TANC2: variants seen among roughly 807,000 people sequenced by gnomAD.
The protein encoded by TANC2 is tetratricopeptide repeat, ankyrin repeat and coiled-coil containing 2.
Under a neutral mutation model 210.5 loss-of-function variants are expected in TANC2, and 26 were observed. The observed-to-expected ratio is 0.12, with a 90% confidence interval of 0.09 to 0.17. The LOEUF is 0.17. Among genes scored for constraint, TANC2 ranks in the 10% least tolerant of loss-of-function variants. The pLI, the probability that TANC2 is intolerant of heterozygous loss-of-function variation, is 1.00. For missense variants in TANC2, 2,129 were observed against 2,608.9 expected, an observed-to-expected ratio of 0.82 and a Z score of 4.01; for synonymous variants, 931 against 967.1, an observed-to-expected ratio of 0.96 and a Z score of 0.69.
At chr17:63,166,146 C>T (rs1334305172) in intron 5 of TANC2, among the ~76,000 whole-genome samples, 1 of 152,098 alleles carries the variant, frequency 6.6e-6, no homozygotes, top group Non-Finnish European at 1.5e-5. Flanking sequence ...TACAGTGATT[C>T]CAGTTTCCAA....
chr17:63,420,643 A>G lies in TANC2; in HGVS notation c.4913A>G (p.Tyr1638Cys), dbSNP rs756488036. ...CCTCCAGCTGAAAGTATGAGTGTCTATAGATCCCAGTCTGGTTCACCCGTG... is the reference window on the plus strand; with the variant it reads ...CCTCCAGCTGAAAGTATGAGTGTCTGTAGATCCCAGTCTGGTTCACCCGTG... The change falls in exon 28 of 28, where the codon TAT becomes TGT. Residue 1638 changes from tyrosine to cysteine, a missense_variant. This residue lies in a region of TANC2 where 584 missense variants were observed against 627.3 expected (regional missense o/e 0.93). Coordinates refer to ENST00000689528, the Ensembl canonical transcript of TANC2. The surrounding 1 kb of genome is among the most constrained non-coding windows in gnomAD (Gnocchi z 4.2). 80 of 1,613,754 alleles carry G rather than the reference A, an allele frequency of 5.0e-5. No individual in the cohort carries two copies. The highest frequency in any genetic ancestry group is 2.3e-4 in the African/African-American group (17 of 74,920).
chr17:63,414,782 G>A (rs953198148), intron 25 of TANC2, among the ~76,000 whole-genome samples: 1 of 152,160 alleles, frequency 6.6e-6, no homozygotes, highest in Non-Finnish European at 1.5e-5. Flanking sequence ...GGGAGATGCC[G>A]CCTGCATCTT....
intron 9 of TANC2, among the ~76,000 whole-genome samples, chr17:63,300,843 C>T (rs2044689367): frequency 6.6e-6 from 1 of 152,148 alleles, no homozygotes. Flanking sequence ...AGAGGGCATC[C>T]TTGTCTTGTG....
intron 9 of TANC2, among the ~76,000 whole-genome samples, chr17:63,309,447 A>G (rs142792915): frequency 6.6e-4 from 101 of 152,258 alleles, no homozygotes; most frequent in Non-Finnish European, 1.2e-3. Flanking sequence ...GGTTATGTCA[A>G]AGATAAACAT....
intron 3 of TANC2, among the ~76,000 whole-genome samples, chr17:63,091,722 A>T (rs894429380): frequency 6.6e-6 from 1 of 152,162 alleles, no homozygotes; most frequent in Non-Finnish European, 1.5e-5. Flanking sequence ...TATGAACTTT[A>T]AAGTAGTTTT....
chr17:63,006,779 T>C (rs1169535245), intron 1 of TANC2, among the ~76,000 whole-genome samples: 1 of 152,188 alleles, frequency 6.6e-6, no homozygotes, highest in Non-Finnish European at 1.5e-5. Context: ...AAACATATCA[T>C]AGTTTTTTTT....
At chr17:63,230,980 A>G (rs2042460495) in intron 7 of TANC2, among the ~76,000 whole-genome samples, 1 of 152,184 alleles carries the variant, frequency 6.6e-6, no homozygotes, top group Admixed American at 6.5e-5. Context: ...TAGTATAGTT[A>G]GCTCTTACTG....
At chr17:63,061,004 C>T (rs1421991741) in intron 2 of TANC2, among the ~76,000 whole-genome samples, 1 of 151,918 alleles carries the variant, frequency 6.6e-6, no homozygotes, top group Non-Finnish European at 1.5e-5. Flanking sequence ...TTTTTGAGCC[C>T]AGGAGTTTGA....
chr17:63,248,923 AAT>A (rs1338914065), intron 8 of TANC2, among the ~76,000 whole-genome samples: 1 of 152,168 alleles, frequency 6.6e-6, no homozygotes, highest in Non-Finnish European at 1.5e-5. Context: ...AAATGGAAGA[AAT>A]ATATATAGTG....
intron 2 of TANC2, among the ~76,000 whole-genome samples, chr17:63,011,957 A>G (rs1303529671): frequency 6.9e-6 from 1 of 144,804 alleles, no homozygotes; most frequent in Non-Finnish European, 1.5e-5. Context: ...TATCCATTCT[A>G]TGCTTCTTTC....
At chr17:63,203,007 C>A (rs2041586361) in intron 7 of TANC2, among the ~76,000 whole-genome samples, 1 of 152,132 alleles carries the variant, frequency 6.6e-6, no homozygotes, top group Non-Finnish European at 1.5e-5. Flanking sequence ...ACTTAGGTTG[C>A]TTCCAACTCC....
intron 1 of TANC2, among the ~76,000 whole-genome samples, chr17:63,006,826 G>A (rs1226628229): frequency 2.0e-5 from 3 of 152,028 alleles, no homozygotes; most frequent in Non-Finnish European, 4.4e-5. Flanking sequence ...TGACAAAGGT[G>A]TGTTGGTCTC....
At chr17:63,311,921 C>G (rs953357198) in intron 9 of TANC2, among the ~76,000 whole-genome samples, 3 of 152,084 alleles carry the variant, frequency 2.0e-5, no homozygotes, top group African/African-American at 7.2e-5. Context: ...TTACTGATTG[C>G]CAGGGACTGG....
At chr17:63,019,249 G>C (rs923629378) in intron 2 of TANC2, among the ~76,000 whole-genome samples, 2 of 151,806 alleles carry the variant, frequency 1.3e-5, no homozygotes, top group Admixed American at 1.3e-4. Context: ...ACAGAGTCTC[G>C]CTCTGTCACT....
chr17:63,138,204 G>A (rs1038374033), intron 4 of TANC2, among the ~76,000 whole-genome samples: 6 of 152,156 alleles, frequency 3.9e-5, no homozygotes, highest in East Asian at 1.9e-4. Flanking sequence ...GAACTCTGGG[G>A]CTGTAAGATA....
intron 2 of TANC2, among the ~76,000 whole-genome samples, chr17:63,045,871 G>T (rs1204073903): frequency 2.0e-5 from 3 of 151,968 alleles, no homozygotes; most frequent in Admixed American, 2.0e-4. Flanking sequence ...GAACTCCTGG[G>T]CTCAAGTGAT....
intron 1 of TANC2, among the ~76,000 whole-genome samples, chr17:62,985,061 A>G (rs904623687): frequency 6.6e-6 from 1 of 152,198 alleles, no homozygotes; most frequent in Non-Finnish European, 1.5e-5. Context: ...GGGTGTTGAA[A>G]TCAGTCTAAT....
chr17:63,170,448 A>G (rs576646720), intron 5 of TANC2, among the ~76,000 whole-genome samples: 123 of 151,990 alleles, frequency 8.1e-4, no homozygotes, highest in East Asian at 2.1e-3. Flanking sequence ...AAAAAAAAAA[A>G]AAAGAAAGAA....
chr17:63,100,122 A>G (rs531694663), intron 4 of TANC2, among the ~76,000 whole-genome samples: 79 of 152,268 alleles, frequency 5.2e-4, no homozygotes, highest in African/African-American at 1.9e-3. Flanking sequence ...TTCTAAGTGC[A>G]TGGAGGCATG....
Sources: allele counts gnomAD v4.1 joint callset (sites outside exome capture counted in the v4.1 genomes callset), GRCh38; gene constraint gnomAD v4.1.1; regional missense constraint gnomAD v4.1.1; non-coding constraint Gnocchi (gnomAD v3.1); transcripts MANE v1.5; gene names NCBI Gene and HGNC (gene_info 2026-07-23, HGNC 2026-07-21).